Variants in SDK1 observed in about 807,000 individuals in gnomAD.
SDK1 encodes the protein sidekick cell adhesion molecule 1.
In SDK1, 157 loss-of-function variants were observed where a neutral mutation model predicts 245.5. That is an observed-to-expected ratio of 0.64 (90% CI 0.56 to 0.73). SDK1 has a LOEUF of 0.73. SDK1 is among the 30% of genes least tolerant of loss of function. SDK1 has a pLI of 0.00. For synonymous variants in SDK1, 1,647 were observed against 1,278.5 expected (o/e 1.29, Z -6.15); for missense variants, 3,583 against 3,002.3 (o/e 1.19, Z -4.52).
intron 1 of SDK1, among the ~76,000 whole-genome samples, chr7:3,374,827 T>C (rs1781313682): frequency 6.6e-6 from 1 of 152,198 alleles, no homozygotes; most frequent in African/African-American, 2.4e-5. Context: ...TAGGTCCCCT[T>C]GTTATGCCCA....
At chr7:4,135,261 T>TA (rs1778992398) in intron 28 of SDK1, among the ~76,000 whole-genome samples, 1 of 152,208 alleles carries the variant, frequency 6.6e-6, no homozygotes, top group Non-Finnish European at 1.5e-5. Flanking sequence ...ATGCCAAGTT[T>TA]ACATGAGGAT....
chr7:4,224,455 A>T (rs968805506), intron 40 of SDK1, among the ~76,000 whole-genome samples: 8 of 152,148 alleles, frequency 5.3e-5, no homozygotes, highest in African/African-American at 1.9e-4. Flanking sequence ...CCCTATTGTA[A>T]GAACAGCACC....
chr7:3,551,502 A>G (rs774886787), intron 1 of SDK1, among the ~76,000 whole-genome samples: 5 of 151,714 alleles, frequency 3.3e-5, no homozygotes, highest in Non-Finnish European at 7.4e-5. Context: ...TTTATACATC[A>G]TTTTGTTAAT....
chr7:4,079,804 G>A (rs1780941265), intron 22 of SDK1, among the ~76,000 whole-genome samples: 1 of 152,174 alleles, frequency 6.6e-6, no homozygotes, highest in South Asian at 2.1e-4. Context: ...ATAAGACAAG[G>A]ATAAGAAGGG....
chr7:4,122,704 G>GA (rs1022126865), intron 25 of SDK1, among the ~76,000 whole-genome samples: 1 of 151,906 alleles, frequency 6.6e-6, no homozygotes, highest in East Asian at 1.9e-4. Context: ...AGAGGGGAGA[G>GA]AAAAAAATGA....
chr7:4,230,727 G>T lies in SDK1; in HGVS notation c.5828-2528G>T, dbSNP rs74302098. ...ATGGATGGATGGGTGGATGGATGAT[G>T]CTAAGCCTGATGGTGTGAACAGCCA... On this transcript the variant is annotated intron_variant, in intron 40 of 44. Coordinates refer to ENST00000404826, the MANE Select transcript of SDK1 (RefSeq NM_152744.4). Among the ~76,000 whole-genome samples the T allele has an allele frequency of 1.6e-4, 24 of 152,250 alleles. No homozygotes were observed. The East Asian group carries it at 3.3e-3, about 21-fold the overall frequency.
intron 4 of SDK1, among the ~76,000 whole-genome samples, chr7:3,762,546 A>G (rs1218542882): frequency 6.6e-6 from 1 of 152,184 alleles, no homozygotes; most frequent in African/African-American, 2.4e-5. Context: ...TTGAGGGAAA[A>G]TTGTGCTTTG....
chr7:3,795,053 T>G (rs1369086443), intron 4 of SDK1, among the ~76,000 whole-genome samples: 1 of 152,228 alleles, frequency 6.6e-6, no homozygotes, highest in Non-Finnish European at 1.5e-5. Context: ...CTTGCAGCAG[T>G]CCTGCAAGGC....
rs185334515 is a variant in SDK1, at chr7:4,114,377, C to T, written c.3823+103C>T. On this transcript the variant is annotated intron_variant, in intron 25 of 44. Coordinates refer to ENST00000404826, the MANE Select transcript of SDK1 (RefSeq NM_152744.4). ...GGCTAGTGGCGTCTCATTGGCCTGT[C>T]CCACTTGTGTCTGTCTTGGAGCTTT... 1.8e-4 allele frequency: 159 copies of T among 869,982 alleles called. No individual in the cohort carries two copies. In the East Asian group the frequency reaches 3.9e-3, roughly 21 times the overall value. The allele number at this position is 869,982 out of a possible 1,614,324, so 53.9% of individuals were successfully genotyped here.
At chr7:3,409,967 A>G (rs972567976) in intron 1 of SDK1, among the ~76,000 whole-genome samples, 7 of 152,310 alleles carry the variant, frequency 4.6e-5, no homozygotes, top group Admixed American at 1.3e-4. Context: ...TACTAGCTAC[A>G]GTGATAAGTG....
At chr7:4,223,851 C>G (rs1040082186) in intron 40 of SDK1, among the ~76,000 whole-genome samples, 1 of 152,184 alleles carries the variant, frequency 6.6e-6, no homozygotes, top group Admixed American at 6.5e-5. Flanking sequence ...TTTCGTATGA[C>G]TTCCCCGCCA....
intron 40 of SDK1, among the ~76,000 whole-genome samples, chr7:4,223,082 CAAAA>C (rs79110419): frequency 1.1e-5 from 1 of 93,090 alleles, no homozygotes. Context: ...GGCTCCGTCT[CAAAA>C]AAAAAAAAAA....
At chr7:3,559,808 C>G (rs1001547508) in intron 1 of SDK1, among the ~76,000 whole-genome samples, 7 of 149,748 alleles carry the variant, frequency 4.7e-5, no homozygotes, top group African/African-American at 1.7e-4. Flanking sequence ...CACAGATGAA[C>G]TTAATGTCAG....
intron 3 of SDK1, among the ~76,000 whole-genome samples, chr7:3,640,938 T>G (rs1327017863): frequency 1.3e-5 from 2 of 152,146 alleles, no homozygotes; most frequent in African/African-American, 4.8e-5. Flanking sequence ...CGCCTCGGCC[T>G]CCCAAAGTGC....
intron 43 of SDK1, among the ~76,000 whole-genome samples, chr7:4,243,167 C>A (rs1326526553): frequency 2.6e-5 from 4 of 152,210 alleles, no homozygotes; most frequent in Admixed American, 1.3e-4. Context: ...CTTGCTGCAA[C>A]TCTGTCTTCT....
chr7:4,217,426 C>T (rs1784879262), intron 38 of SDK1, among the ~76,000 whole-genome samples: 3 of 140,568 alleles, frequency 2.1e-5, no homozygotes, highest in South Asian at 4.9e-4. Flanking sequence ...CCCGGAGCAC[C>T]AGGCCACTCG....
chr7:3,696,469 C>G (rs1784574346), intron 4 of SDK1, among the ~76,000 whole-genome samples: 1 of 152,138 alleles, frequency 6.6e-6, no homozygotes, highest in Admixed American at 6.6e-5. Context: ...TCCTCCCTCA[C>G]TAATTCCTAT....
rs1028154111 is a variant in SDK1 at position 3,749,835 on chromosome 7, T to C, written c.714-71615T>C. On this transcript the variant is annotated intron_variant, in intron 4 of 44. Coordinates refer to ENST00000404826, the MANE Select transcript of SDK1 (RefSeq NM_152744.4). ...AGGCAGAAGCTGTCTTGGTGTAAAA[T>C]AGCAGCAATAAAAATTAATTTAGAC... 3.9e-5 allele frequency among the ~76,000 whole-genome samples: 6 copies of C among 152,048 alleles called. 1 individual carries two copies. Among genetic ancestry groups the C allele is most frequent in the African/African-American group, 1.2e-4 (5 of 41,352 alleles).
chr7:3,499,484 G>C (rs1366824490), intron 1 of SDK1, among the ~76,000 whole-genome samples: 2 of 152,172 alleles, frequency 1.3e-5, no homozygotes, highest in South Asian at 4.1e-4. Context: ...AACATTGCCA[G>C]TGTCTTAGAA....
Sources: gnomAD v4.1 joint callset for allele counts (sites outside exome capture counted in the v4.1 genomes callset) on GRCh38, gnomAD v4.1.1 for gene constraint, MANE v1.5 for transcripts, NCBI Gene and HGNC (gene_info 2026-07-23, HGNC 2026-07-21) for gene names.